MAP3K15: variants seen among roughly 807,000 people sequenced by gnomAD.
The protein encoded by MAP3K15 is MAPK/ERK kinase kinase 15.
In MAP3K15, 124 loss-of-function variants were observed where a neutral mutation model predicts 99.5. The observed-to-expected ratio is 1.25, with a 90% CI of 1.08 to 1.45. The LOEUF is 1.45. Ranked by LOEUF, MAP3K15 falls within the 40% of genes most tolerant of loss-of-function variation. MAP3K15 has a pLI of 0.00. For synonymous variants in MAP3K15, 494 were observed against 439.6 expected (o/e 1.12, Z -1.55); for missense variants, 1,242 against 1,079.7 (o/e 1.15, Z -2.11).
In MAP3K15 at chrX:19,440,156, C is replaced by T. The variant is rs867424391; in HGVS notation, c.996-8548G>A. Among the ~76,000 whole-genome samples, 6 of 112,182 alleles carry T rather than the reference C, an allele frequency of 5.3e-5. No homozygotes were observed. The South Asian group carries it at 1.5e-3, about 28-fold the overall frequency. On this transcript the variant is annotated intron_variant, in intron 6 of 28. Transcript: ENST00000338883. Reference sequence around the variant, plus strand: ...CCTGGCACCTGGGCTCTGGTAACATCACCTCTTCCCTGGGTCCCTCCAGCC... The same window carrying T: ...CCTGGCACCTGGGCTCTGGTAACATTACCTCTTCCCTGGGTCCCTCCAGCC...
At chrX:19,366,006 CA>C (rs1172350617) in intron 25 of MAP3K15, among the ~76,000 whole-genome samples, 82 of 20,112 alleles carry the variant, frequency 4.1e-3, no homozygotes, top group Middle Eastern at 0.026. Flanking sequence ...GCCTCCATCT[CA>C]AAAAAAAAAA....
At chrX:19,470,599 T>G (rs2064202100) in intron 3 of MAP3K15, among the ~76,000 whole-genome samples, 1 of 107,815 alleles carries the variant, frequency 9.3e-6, no homozygotes. Context: ...AAAAATAGAC[T>G]TCACTGAACT....
At chrX:19,405,041 C>T (rs5955773) in intron 13 of MAP3K15, among the ~76,000 whole-genome samples, 29,519 of 110,366 alleles carry the variant, frequency 0.27, 7,992 homozygotes, top group African/African-American at 0.84. Flanking sequence ...TAAAAACTTT[C>T]GTGCTGCAAG....
At chrX:19,456,853 AG>A in intron 6 of MAP3K15, 59 bp downstream of exon 6, 1 of 873,507 alleles carries the variant, frequency 1.1e-6, no homozygotes, top group East Asian at 3.3e-5. Flanking sequence ...GAATGAAAGA[AG>A]GAAGCACAAT....
chrX:19,457,097 G>T, intron 5 of MAP3K15, 78 bp from the exon 6 acceptor site: 2 of 693,463 alleles, frequency 2.9e-6, no homozygotes, highest in Non-Finnish European at 4.4e-6. Flanking sequence ...TTATAAACAG[G>T]AGACAGCCTC....
At chrX:19,493,926 G>T (rs995107152) in intron 1 of MAP3K15, among the ~76,000 whole-genome samples, 3 of 110,727 alleles carry the variant, frequency 2.7e-5, no homozygotes, top group African/African-American at 9.9e-5. Flanking sequence ...AGCTACCTGG[G>T]GGCAAAACAA....
chrX:19,413,698 T>G (rs1356382222), intron 10 of MAP3K15, among the ~76,000 whole-genome samples: 98 of 58,368 alleles, frequency 1.7e-3, no homozygotes, highest in African/African-American at 3.4e-3. Flanking sequence ...GTGGGGAAGA[T>G]GAAAGGAGAT....
At chrX:19,476,838 G>A (rs2064246298) in intron 3 of MAP3K15, among the ~76,000 whole-genome samples, 1 of 111,677 alleles carries the variant, frequency 9.0e-6, no homozygotes, top group Non-Finnish European at 1.9e-5. Context: ...CAAAGTCACA[G>A]GATTATTTCA....
chrX:19,364,287 G>A (rs1405442378), intron 25 of MAP3K15, among the ~76,000 whole-genome samples: 1 of 112,118 alleles, frequency 8.9e-6, no homozygotes. Flanking sequence ...TGGCACAACT[G>A]TGCCTCAAAC....
At chrX:19,425,749 G>C in intron 8 of MAP3K15, 59 bp from the exon 9 acceptor site, 3 of 1,034,584 alleles carry the variant, frequency 2.9e-6, no homozygotes, top group Non-Finnish European at 3.9e-6. Flanking sequence ...GTCATACTGA[G>C]GATAAGCAGG....
intron 9 of MAP3K15, among the ~76,000 whole-genome samples, chrX:19,423,109 T>G: frequency 9.1e-6 from 1 of 109,763 alleles, no homozygotes; most frequent in Non-Finnish European, 1.9e-5. Flanking sequence ...CACACCAACA[T>G]GGCACATGTA....
chrX:19,439,586 C>A (rs2063945538), intron 6 of MAP3K15, among the ~76,000 whole-genome samples: 2 of 111,457 alleles, frequency 1.8e-5, no homozygotes, highest in Non-Finnish European at 3.8e-5. Context: ...CCCATCTCAG[C>A]CTCCTGAGTA....
rs2064149471 is a variant in MAP3K15, at chrX:19,464,145, G to A, written c.719+68C>T. 6.3e-6 allele frequency: 6 copies of A among 948,707 alleles called. No homozygotes were observed. The East Asian group carries it at 9.3e-5, about 15-fold the overall frequency. 78.2% of individuals were successfully genotyped at this position (948,707 alleles called of 1,213,427 possible). A position where few individuals can be genotyped will look rare whatever the true frequency, so the allele number is the denominator to read the frequency against. ...AACTCTGTTCATTTGAAGGTGTACC[G>A]CTTCCCTGAAAGAAATGGGGACATC... On this transcript the variant is annotated intron_variant, in intron 4 of 28. Coordinates refer to ENST00000338883, the MANE Select transcript of MAP3K15 (RefSeq NM_001001671.4).
chrX:19,480,984 G>A (rs1239591088), intron 3 of MAP3K15, among the ~76,000 whole-genome samples: 4 of 108,149 alleles, frequency 3.7e-5, no homozygotes, highest in Admixed American at 1.0e-4. Flanking sequence ...GCGTGGTGGT[G>A]CACACCTATA....
chrX:19,492,288 A>C (rs1224113539), intron 1 of MAP3K15, among the ~76,000 whole-genome samples: 1 of 110,966 alleles, frequency 9.0e-6, no homozygotes, highest in Non-Finnish European at 1.9e-5. Flanking sequence ...TCCCTGTGTT[A>C]TTTTAAAATA....
intron 1 of MAP3K15, among the ~76,000 whole-genome samples, chrX:19,504,630 AAACT>A (rs2064463290): frequency 8.9e-6 from 1 of 112,032 alleles, no homozygotes; most frequent in Non-Finnish European, 1.9e-5. Context: ...TGTCAGATAA[AAACT>A]AACAATCACT....
chrX:19,461,413 T>C (rs982757775), intron 4 of MAP3K15, among the ~76,000 whole-genome samples: 4 of 112,156 alleles, frequency 3.6e-5, no homozygotes, highest in African/African-American at 1.3e-4. Flanking sequence ...AGTTTTCTAA[T>C]GGAAAACACA....
At chrX:19,499,976 G>A (rs1289486214) in intron 1 of MAP3K15, among the ~76,000 whole-genome samples, 1 of 112,952 alleles carries the variant, frequency 8.9e-6, no homozygotes, top group African/African-American at 3.2e-5. Flanking sequence ...GCCGGGTGCA[G>A]TGGCCCACGC....
At chrX:19,410,451 T>C (rs2063678887) in intron 11 of MAP3K15, among the ~76,000 whole-genome samples, 1 of 111,865 alleles carries the variant, frequency 8.9e-6, no homozygotes, top group Non-Finnish European at 1.9e-5. Flanking sequence ...TAGAGAGATA[T>C]ACAGTGGAGT....
Sources: allele counts gnomAD v4.1 joint callset (sites outside exome capture counted in the v4.1 genomes callset), GRCh38; gene constraint gnomAD v4.1.1; transcripts MANE v1.5; gene names NCBI Gene and HGNC (gene_info 2026-07-23, HGNC 2026-07-21).